Variants in UBE3B observed in about 807,000 individuals in gnomAD.
The protein encoded by UBE3B is ubiquitin protein ligase E3B.
Under a neutral mutation model 132.3 loss-of-function variants are expected in UBE3B, and 80 were observed. The ratio of observed to expected loss-of-function variants is 0.60; its 90% CI spans 0.50 to 0.73. The LOEUF (loss-of-function observed/expected upper bound fraction) is 0.73. Ranked by LOEUF, UBE3B falls within the 30% of genes least tolerant of loss-of-function variation. The pLI is 0.00. For synonymous variants in UBE3B, 487 were observed against 520.4 expected (o/e 0.94, Z 0.87); for missense variants, 1,196 against 1,362.5 (o/e 0.88, Z 1.92).
chr12:109,528,376 G>A (rs1882586982), intron 24 of UBE3B: 3 of 985,238 alleles, frequency 3.0e-6, no homozygotes, highest in African/African-American at 1.7e-5. Flanking sequence ...GGAAGGAGGA[G>A]CAATGATAGG....
intron 22 of UBE3B, 52 bp from the exon 23 acceptor site, chr12:109,524,385 TA>T (rs1882068109): frequency 3.1e-6 from 5 of 1,606,410 alleles, no homozygotes; most frequent in Middle Eastern, 3.3e-4. Flanking sequence ...TTAAACCTCT[TA>T]AGCACATAGT....
At chr12:109,523,422 A>G (rs1405157093) in intron 21 of UBE3B, among the ~76,000 whole-genome samples, 2 of 152,188 alleles carry the variant, frequency 1.3e-5, no homozygotes, top group African/African-American at 2.4e-5. Context: ...CTGGCCCTGC[A>G]TCCTCATTGG....
chr12:109,525,596 T>G (rs375737107), intron 23 of UBE3B, among the ~76,000 whole-genome samples: 3 of 152,236 alleles, frequency 2.0e-5, no homozygotes, highest in Admixed American at 2.0e-4. Context: ...TCAAATGATA[T>G]GTCCTTTGAT....
At chr12:109,517,942 T>G (rs563511857) in intron 19 of UBE3B, 1 of 446,928 alleles carries the variant, frequency 2.2e-6, no homozygotes, top group Non-Finnish European at 4.5e-6. Flanking sequence ...CCCTGGCCAC[T>G]GGTGATCAAT....
At chr12:109,488,151 G>A (rs534963104) in intron 6 of UBE3B, among the ~76,000 whole-genome samples, 1 of 152,340 alleles carries the variant, frequency 6.6e-6, no homozygotes, top group Admixed American at 6.5e-5. Context: ...GGCACAGAAA[G>A]GTTAAGAAAC....
chr12:109,483,636 C>A lies in UBE3B; in HGVS notation c.85C>A (p.Arg29=), dbSNP rs765224973. ...AGAAGAAAGGCTTGTGCAGAAGGAA[C>A]GGGAGCGGGCAGCTGTTGTGATCCA... ...AREERLVQKE[R]ERAAVVIQAH... Residue 29 remains arginine, a synonymous_variant, in exon 3 of 28, where the codon CGG becomes AGG. Transcript: ENST00000342494. 5 of 1,613,352 alleles carry A rather than the reference C, an allele frequency of 3.1e-6. No individual in the cohort carries two copies. The Admixed American group carries it at 6.7e-5, about 22-fold the overall frequency.
At position 109,486,454 on chromosome 12, in the gene UBE3B, C is replaced by G. The variant is rs1876443735; in HGVS notation, c.343-17C>G. 6.3e-7 allele frequency: 1 copy of G among 1,586,732 alleles called. No individual in the cohort carries two copies. Among genetic ancestry groups the G allele is most frequent in the Non-Finnish European group, 8.6e-7 (1 of 1,164,312 alleles). The stretch of plus-strand genomic sequence containing the variant: ...CTCTATAACAGCCCATGACATTCCT[C>G]TTTTTCCCACCTATAGGTGTGGTAT... On this transcript the variant is annotated splice_polypyrimidine_tract_variant and intron_variant, in intron 5 of 27. Coordinates refer to ENST00000342494, the MANE Select transcript of UBE3B (RefSeq NM_130466.4).
At chr12:109,517,617 C>A (rs1467469877) in intron 19 of UBE3B, among the ~76,000 whole-genome samples, 1 of 152,198 alleles carries the variant, frequency 6.6e-6, no homozygotes, top group Non-Finnish European at 1.5e-5. Context: ...GCACAGCCTA[C>A]CCATACATGC....
intron 14 of UBE3B, among the ~76,000 whole-genome samples, chr12:109,506,649 C>T (rs1207790633): frequency 6.6e-6 from 1 of 152,250 alleles, no homozygotes; most frequent in Admixed American, 6.5e-5. Context: ...CAGCACCGGG[C>T]TGCCAAATCT....
the UBE3B span, among the ~76,000 whole-genome samples, chr12:109,542,605 C>A: frequency 3.9e-5 from 6 of 152,054 alleles, no homozygotes; most frequent in African/African-American, 1.4e-4. Flanking sequence ...TAGGGTGGGA[C>A]CCTAATCCGA....
chr12:109,524,289 C>T, intron 22 of UBE3B, 149 bp from the exon 23 acceptor site: 1 of 1,328,840 alleles, frequency 7.5e-7, no homozygotes, highest in East Asian at 2.4e-5. Context: ...AACCTCCTTC[C>T]TCAAAGTCAC....
intron 18 of UBE3B, among the ~76,000 whole-genome samples, chr12:109,512,205 A>T (rs1880452556): frequency 6.6e-6 from 1 of 152,142 alleles, no homozygotes; most frequent in Non-Finnish European, 1.5e-5. Flanking sequence ...TGGGTGAGGT[A>T]GTCAGGGAAT....
chr12:109,533,966 C>G, intron 27 of UBE3B: 1 of 1,303,964 alleles, frequency 7.7e-7, no homozygotes, highest in South Asian at 1.2e-5. Flanking sequence ...CGTCCAGGCT[C>G]GCTGCTTCAT....
At chr12:109,537,994 C>T (rs992508411), downstream of UBE3B, among the ~76,000 whole-genome samples, 6 of 152,184 alleles carry the variant, frequency 3.9e-5, no homozygotes, top group African/African-American at 1.4e-4. Flanking sequence ...AGCCACCGCG[C>T]CCGGCCAACA....
At chr12:109,489,531 A>C (rs1427212794) in intron 7 of UBE3B, among the ~76,000 whole-genome samples, 2 of 152,180 alleles carry the variant, frequency 1.3e-5, no homozygotes, top group Admixed American at 1.3e-4. Flanking sequence ...GGGAACCCAA[A>C]AATTGTTCAG....
At chr12:109,514,016 T>C (rs1360403476) in intron 18 of UBE3B, among the ~76,000 whole-genome samples, 1 of 152,254 alleles carries the variant, frequency 6.6e-6, no homozygotes, top group Non-Finnish European at 1.5e-5. Flanking sequence ...GCCCTAAATG[T>C]TGAACCTCTC....
At position 109,524,049 on chromosome 12, in the gene UBE3B, C is replaced by G; in HGVS notation, c.2436C>G (p.Phe812Leu). 6.2e-7 allele frequency: 1 copy of G among 1,614,222 alleles called. No homozygotes were observed. The highest frequency in any genetic ancestry group is 8.5e-7 in the Non-Finnish European group (1 of 1,180,042). ...TGCTTGGGCACCACCACAGCGTCTT[C>G]TATAGCTCGGTGGATGAACTGCCTT... ...SQLLGHHHSV[F>L]YSSVDELPSL... Residue 812 changes from phenylalanine to leucine, a missense_variant, in exon 22 of 28, where the codon TTC becomes TTG. Coordinates refer to ENST00000342494, the MANE Select transcript of UBE3B (RefSeq NM_130466.4).
chr12:109,483,469 C>T (rs1196869468), intron 2 of UBE3B, 62 bp from the exon 3 acceptor site: 3 of 1,485,896 alleles, frequency 2.0e-6, no homozygotes, highest in Non-Finnish European at 2.7e-6. Context: ...CTCTTGAGCC[C>T]CTTTCTGTGT....
At chr12:109,502,898 T>C in intron 13 of UBE3B, 125 bp from the exon 14 acceptor site, 1 of 1,140,644 alleles carries the variant, frequency 8.8e-7, no homozygotes, top group Non-Finnish European at 1.3e-6. Context: ...TTGAATTGAG[T>C]GAGTTGCCCC....
Sources: gnomAD v4.1 joint callset for allele counts (sites outside exome capture counted in the v4.1 genomes callset) on GRCh38, gnomAD v4.1.1 for gene constraint, MANE v1.5 for transcripts, NCBI Gene and HGNC (gene_info 2026-07-23, HGNC 2026-07-21) for gene names.